The following SPTBN1 variants were observed in gnomAD, a reference collection of about 807,000 sequenced individuals.
SPTBN1 encodes spectrin beta chain, non-erythrocytic 1.
Under a neutral mutation model 266.4 loss-of-function variants are expected in SPTBN1, and 32 were observed. That is an observed-to-expected ratio of 0.12 (90% confidence interval 0.09 to 0.16). SPTBN1 has a LOEUF of 0.16. Among genes scored for constraint, SPTBN1 ranks in the 10% least tolerant of loss-of-function variants. The pLI is 1.00. For synonymous variants in SPTBN1, 1,336 were observed against 1,162.2 expected, an observed-to-expected ratio of 1.15 and a Z score of -3.04; for missense variants, 2,296 against 3,067.1, an observed-to-expected ratio of 0.75 and a Z score of 5.94.
At chr2:54,530,816 T>TG (rs762569462) in intron 2 of SPTBN1, among the ~76,000 whole-genome samples, 4 of 152,200 alleles carry the variant, frequency 2.6e-5, no homozygotes, top group Non-Finnish European at 5.9e-5. Context: ...TGCCGAGTGA[T>TG]GGGAGTGTCT....
intron 9 of SPTBN1, 137 bp downstream of exon 9, chr2:54,622,624 T>A: frequency 1.0e-6 from 1 of 1,000,744 alleles, no homozygotes; most frequent in Middle Eastern, 2.2e-4. Context: ...CCTTTTCATC[T>A]GACTCTGTTT....
At chr2:54,654,550 A>G (rs1327782463) in intron 27 of SPTBN1, among the ~76,000 whole-genome samples, 2 of 152,166 alleles carry the variant, frequency 1.3e-5, no homozygotes, top group Non-Finnish European at 2.9e-5. Flanking sequence ...GATCAGGATC[A>G]GTAGGTTTTG....
At chr2:54,613,795 T>A (rs1394144304) in intron 4 of SPTBN1, among the ~76,000 whole-genome samples, 13 of 152,242 alleles carry the variant, frequency 8.5e-5, no homozygotes, top group Admixed American at 4.6e-4. Context: ...TAATTACTGC[T>A]CTTGTGTCTT....
At chr2:54,602,558 C>G (rs1448400809) in intron 3 of SPTBN1, among the ~76,000 whole-genome samples, 5 of 152,184 alleles carry the variant, frequency 3.3e-5, no homozygotes, top group Non-Finnish European at 5.9e-5. Flanking sequence ...ACTAAGCCCT[C>G]GCCTCTGACC....
intron 17 of SPTBN1, among the ~76,000 whole-genome samples, chr2:54,635,706 A>G (rs370875075): frequency 1.1e-4 from 16 of 152,198 alleles, no homozygotes; most frequent in Middle Eastern, 3.2e-3. Context: ...TAGGACTTCA[A>G]TGAGATGCCA....
intron 18 of SPTBN1, among the ~76,000 whole-genome samples, chr2:54,642,207 G>A (rs184658600): frequency 1.3e-5 from 2 of 152,330 alleles, no homozygotes; most frequent in Admixed American, 1.3e-4. Context: ...AGTGGGTCTG[G>A]GCCTGGCGTT....
Position 54,645,475 on chromosome 2 carries a change from A to T in SPTBN1, c.4494+22A>T, listed in dbSNP as rs1356305783. 11 of 1,610,012 alleles carry T rather than the reference A, an allele frequency of 6.8e-6. No individual in the cohort carries two copies. The highest frequency in any genetic ancestry group is 1.3e-5 in the African/African-American group (1 of 74,824). ...GATCGTGAGTCGACCCCTACTGCAC[A>T]CATGGCTTTTCCACGAGCCCCCTTG... On this transcript the variant is annotated intron_variant, in intron 21 of 35. Coordinates refer to ENST00000356805, the MANE Select transcript of SPTBN1 (RefSeq NM_003128.3). This position sits in a 1 kb window ranked among gnomAD's most constrained non-coding sequence, Gnocchi z 4.3.
At position 54,630,067 on chromosome 2, in the gene SPTBN1, G is replaced by A. The variant is rs757529245; in HGVS notation, c.2807+38G>A. On this transcript the variant is annotated intron_variant, in intron 15 of 35. Coordinates refer to ENST00000356805, the MANE Select transcript of SPTBN1 (RefSeq NM_003128.3). The stretch of plus-strand genomic sequence containing the variant: ...CCAGCAGTGTGCCAGCCTCCCACGT[G>A]TGGGACTGGGGAGGGTGAGGTCACT... 8.1e-6 allele frequency: 13 copies of A among 1,600,818 alleles called. No homozygotes were observed. The East Asian group carries it at 2.9e-4, about 36-fold the overall frequency.
At chr2:54,474,707 A>G (rs1667732630) in intron 1 of SPTBN1, among the ~76,000 whole-genome samples, 2 of 152,218 alleles carry the variant, frequency 1.3e-5, no homozygotes. Context: ...ATGTAGAAAA[A>G]TATACAAAAG....
At chr2:54,541,925 TTTCTA>T (rs1163703805) in intron 2 of SPTBN1, among the ~76,000 whole-genome samples, 2 of 152,258 alleles carry the variant, frequency 1.3e-5, no homozygotes, top group East Asian at 1.9e-4. Flanking sequence ...GCTCTGATAC[TTTCTA>T]TTCTATTCCA....
intron 17 of SPTBN1, among the ~76,000 whole-genome samples, chr2:54,637,301 G>A (rs1679215379): frequency 6.6e-6 from 1 of 152,040 alleles, no homozygotes; most frequent in Admixed American, 6.5e-5. Context: ...TTTAAAGCCA[G>A]TTACATGATT....
chr2:54,664,387 G>T lies in SPTBN1; in HGVS notation c.6421-66G>T. 1 of 1,504,612 alleles carries T rather than the reference G, an allele frequency of 6.6e-7. No individual in the cohort carries two copies. Among genetic ancestry groups the T allele is most frequent in the Non-Finnish European group, 9.1e-7 (1 of 1,097,264 alleles). 93.2% of individuals were successfully genotyped at this position (1,504,612 alleles called of 1,614,324 possible). On this transcript the variant is annotated intron_variant, in intron 32 of 35. Transcript: ENST00000356805. The surrounding 1 kb of genome is among the most constrained non-coding windows in gnomAD (Gnocchi z 5.6). ...ATACACAGCCACATGTGCGAGTCAG[G>T]TAGAGCGTATGTGGTCACCCCCATG...
intron 9 of SPTBN1, 53 bp from the exon 10 acceptor site, chr2:54,623,426 G>T: frequency 1.3e-6 from 2 of 1,493,826 alleles, no homozygotes; most frequent in Non-Finnish European, 1.9e-6. Flanking sequence ...ATGCATGACA[G>T]TGTGAAATTT....
intron 1 of SPTBN1, among the ~76,000 whole-genome samples, chr2:54,477,315 A>AC: frequency 6.6e-6 from 1 of 151,746 alleles, no homozygotes; most frequent in Non-Finnish European, 1.5e-5. Context: ...AGCCTCCCCA[A>AC]CCCCCGTTTT....
chr2:54,613,649 C>T (rs547369244), intron 4 of SPTBN1, among the ~76,000 whole-genome samples: 2 of 152,204 alleles, frequency 1.3e-5, no homozygotes, highest in African/African-American at 2.4e-5. Context: ...GAAGAGAGAA[C>T]CACTGTTGAA....
intron 2 of SPTBN1, among the ~76,000 whole-genome samples, chr2:54,596,133 G>A (rs1359383671): frequency 6.6e-6 from 1 of 152,160 alleles, no homozygotes; most frequent in African/African-American, 2.4e-5. Flanking sequence ...CCCAGTCACA[G>A]CAGCTTGAGC....
chr2:54,595,224 G>C (rs892272880), intron 2 of SPTBN1, among the ~76,000 whole-genome samples: 1 of 152,230 alleles, frequency 6.6e-6, no homozygotes, highest in Non-Finnish European at 1.5e-5. Context: ...TGGGCACTTT[G>C]ATGTGCACTT....
rs765438423 is a variant in SPTBN1 at position 54,631,390 on chromosome 2, G to A, written c.3343G>A (p.Glu1115Lys). 8.1e-6 allele frequency: 13 copies of A among 1,614,130 alleles called. No homozygotes were observed. The highest frequency in any genetic ancestry group is 4.4e-5 in the South Asian group (4 of 91,092). The change falls in exon 16 of 36, where the codon GAG becomes AAG. Residue 1115 changes from glutamate (E) to lysine (K), a missense_variant. This residue lies in a region of SPTBN1 where 386 missense variants were observed against 486.1 expected (regional missense o/e 0.79). Coordinates refer to ENST00000356805, the MANE Select transcript of SPTBN1 (RefSeq NM_003128.3). ...CATCAAGAACGAGATCGACAACTACGAGGAGGACTACCAGAAGATGAGGGA... is the reference window on the plus strand; with the variant it reads ...CATCAAGAACGAGATCGACAACTACAAGGAGGACTACCAGAAGATGAGGGA... The part of the protein sequence containing the change: ...ENIKNEIDNY[E>K]EDYQKMRDMG...
rs954317444 is a variant in SPTBN1 at position 54,480,126 on chromosome 2, A to G, written c.-48+23608A>G. On this transcript the variant is annotated intron_variant, in intron 1 of 35. Coordinates refer to ENST00000356805, the MANE Select transcript of SPTBN1 (RefSeq NM_003128.3). ...ACGTGTATATGTGGCACTTAATTAT[A>G]TAATTAGCACCTGTGGCCCAGAGAT... 3.7e-4 allele frequency among the ~76,000 whole-genome samples: 57 copies of G among 152,316 alleles called. 1 individual carries two copies. Among genetic ancestry groups the G allele is most frequent in the African/African-American group, 1.2e-3 (49 of 41,564 alleles).
Sources: allele counts gnomAD v4.1 joint callset (sites outside exome capture counted in the v4.1 genomes callset), GRCh38; gene constraint gnomAD v4.1.1; regional missense constraint gnomAD v4.1.1; non-coding constraint Gnocchi (gnomAD v3.1); transcripts MANE v1.5; gene names NCBI Gene and HGNC (gene_info 2026-07-23, HGNC 2026-07-21).